The following MED12L variants were observed in gnomAD, a reference collection of about 807,000 sequenced individuals.
MED12L encodes mediator complex subunit 12L.
Under a neutral mutation model 281.3 loss-of-function variants are expected in MED12L, and 60 were observed. The ratio of observed to expected loss-of-function variants is 0.21; its 90% CI spans 0.17 to 0.26. MED12L has a LOEUF of 0.26. Among genes scored for constraint, MED12L ranks in the 10% least tolerant of loss-of-function variants. MED12L has a pLI of 1.00. For missense variants in MED12L, 2,146 were observed against 2,680.9 expected, an observed-to-expected ratio of 0.80 and a Z score of 4.41; for synonymous variants, 974 against 987.2, an observed-to-expected ratio of 0.99 and a Z score of 0.25.
intron 16 of MED12L, among the ~76,000 whole-genome samples, chr3:151,336,255 T>C (rs920735340): frequency 5.9e-5 from 9 of 152,340 alleles, no homozygotes; most frequent in Non-Finnish European, 1.0e-4. Flanking sequence ...ATCCCAGCAG[T>C]GTATAGGTTA....
At chr3:151,091,522 A>G (rs1720046518) in intron 2 of MED12L, among the ~76,000 whole-genome samples, 1 of 152,212 alleles carries the variant, frequency 6.6e-6, no homozygotes. Context: ...GGGCTAGAGC[A>G]TTCTGCTTGA....
At position 151,338,932 on chromosome 3, in the gene MED12L, T is replaced by G. The variant is rs571481914; in HGVS notation, c.2251-11127T>G. 2.2e-6 allele frequency: 3 copies of G among 1,340,218 alleles called. No individual in the cohort carries two copies. The Admixed American group carries it at 5.6e-5, about 25-fold the overall frequency. 83.0% of individuals were successfully genotyped at this position (1,340,218 alleles called of 1,614,324 possible). On this transcript the variant is annotated intron_variant, in intron 16 of 44. Transcript: ENST00000687756. ...TATTGCTGTTATCTCTGTGTGTAAC[T>G]TTTTTGGACACAGCCTCCTCTAAAA...
At chr3:151,370,909 C>T (rs564498621) in intron 26 of MED12L, among the ~76,000 whole-genome samples, 2 of 152,324 alleles carry the variant, frequency 1.3e-5, no homozygotes, top group African/African-American at 4.8e-5. Flanking sequence ...AATTTGCCCA[C>T]CTCTTCATCC....
chr3:151,232,373 C>T lies in MED12L; in HGVS notation c.2250+38707C>T, dbSNP rs148254838. Among the ~76,000 whole-genome samples the T allele has an allele frequency of 5.7e-4, 87 of 152,260 alleles. No homozygotes were observed. The South Asian group carries it at 7.9e-3, about 14-fold the overall frequency. The stretch of plus-strand genomic sequence containing the variant: ...CATCTGTTATTTTTTGACTTTTTAA[C>T]GATAGCCATTCTGATTGGTGTGAAA... On this transcript the variant is annotated intron_variant, in intron 16 of 44. Coordinates refer to ENST00000687756, the MANE Select transcript of MED12L (RefSeq NM_001393769.1).
chr3:151,376,269 A>C, intron 28 of MED12L, 55 bp downstream of exon 28: 1 of 1,286,606 alleles, frequency 7.8e-7, no homozygotes, highest in Non-Finnish European at 1.0e-6. Context: ...CGTAATAATA[A>C]AAAGAGTTAC....
chr3:151,273,321 C>T (rs1488499613), intron 16 of MED12L, among the ~76,000 whole-genome samples: 3 of 148,544 alleles, frequency 2.0e-5, no homozygotes, highest in Non-Finnish European at 4.4e-5. Flanking sequence ...GCCTCTGCCT[C>T]CTGGGTTCAA....
intron 2 of MED12L, among the ~76,000 whole-genome samples, chr3:151,103,330 A>G (rs1211724194): frequency 2.0e-5 from 3 of 152,220 alleles, no homozygotes; most frequent in Non-Finnish European, 2.9e-5. Context: ...TTAATGGGAT[A>G]CAATTATTTA....
chr3:151,100,379 T>C (rs538867260), intron 2 of MED12L, among the ~76,000 whole-genome samples: 45 of 152,348 alleles, frequency 3.0e-4, no homozygotes, highest in African/African-American at 1.0e-3. Context: ...ATTTCATTCA[T>C]GGATAATCTA....
At chr3:151,206,068 AT>A in intron 16 of MED12L, among the ~76,000 whole-genome samples, 1 of 146,974 alleles carries the variant, frequency 6.8e-6, no homozygotes, top group African/African-American at 2.6e-5. Context: ...TTGAAAGAAA[AT>A]AATTTTTTTT....
At chr3:151,188,134 C>G (rs779966777) in intron 12 of MED12L, 1 of 328,206 alleles carries the variant, frequency 3.0e-6, no homozygotes, top group Non-Finnish European at 5.6e-6. Flanking sequence ...CGCCCGATCT[C>G]GTCTGATCTC....
At chr3:151,146,341 G>C (rs1311254637) in intron 5 of MED12L, among the ~76,000 whole-genome samples, 3 of 152,132 alleles carry the variant, frequency 2.0e-5, no homozygotes, top group Non-Finnish European at 4.4e-5. Flanking sequence ...GAACTCCTTT[G>C]TACCTTCCCC....
chr3:151,385,739 T>A (rs1713233544), intron 36 of MED12L, among the ~76,000 whole-genome samples: 1 of 151,548 alleles, frequency 6.6e-6, no homozygotes, highest in Non-Finnish European at 1.5e-5. Flanking sequence ...AAAAAAAACC[T>A]TCCTGTAGTA....
At chr3:151,287,550 A>G (rs1743698672) in intron 16 of MED12L, among the ~76,000 whole-genome samples, 1 of 152,214 alleles carries the variant, frequency 6.6e-6, no homozygotes, top group African/African-American at 2.4e-5. Flanking sequence ...GGGTGGAGAC[A>G]GAAAGTATTG....
At chr3:151,308,810 C>T (rs530183294) in intron 16 of MED12L, among the ~76,000 whole-genome samples, 3 of 152,148 alleles carry the variant, frequency 2.0e-5, no homozygotes, top group Non-Finnish European at 2.9e-5. Context: ...TCCATTAGAA[C>T]TGTTGTCAGG....
chr3:151,431,830 A>G (rs1577640606), intron 44 of MED12L, among the ~76,000 whole-genome samples: 1 of 152,150 alleles, frequency 6.6e-6, no homozygotes, highest in East Asian at 1.9e-4. Context: ...GTATTGATTT[A>G]CTTTATTTTT....
At position 151,283,139 on chromosome 3, in the gene MED12L, A is replaced by G. The variant is rs377623193; in HGVS notation, c.2251-66920A>G. Among the ~76,000 whole-genome samples, 6 of 152,360 alleles carry G rather than the reference A, an allele frequency of 3.9e-5. No individual in the cohort carries two copies. The East Asian group carries it at 5.8e-4, about 15-fold the overall frequency. On this transcript the variant is annotated intron_variant, in intron 16 of 44. Transcript: ENST00000687756. ...CACCCCCTTCTGGTAGATTGAAAGA[A>G]GTAACAGTTTTTAAAAAAATTAATA...
chr3:151,425,418 G>C (rs1400145342), intron 43 of MED12L: 1 of 246,978 alleles, frequency 4.0e-6, no homozygotes, highest in African/African-American at 2.2e-5. Flanking sequence ...ATTTATTTTA[G>C]AGACAGAGGC....
At chr3:151,200,850 G>A (rs1576951990) in intron 16 of MED12L, 2 of 152,152 alleles carry the variant, frequency 1.3e-5, no homozygotes, top group South Asian at 4.1e-4. Flanking sequence ...CATAAGCTAG[G>A]TGTTGTTATT....
intron 16 of MED12L, chr3:151,295,028 T>A (rs1744891702): frequency 1.2e-6 from 2 of 1,613,642 alleles, no homozygotes; most frequent in Non-Finnish European, 1.7e-6. Context: ...GAAGCTGGTT[T>A]TATTCCTAAT....
Sources: gnomAD v4.1 joint callset for allele counts (sites outside exome capture counted in the v4.1 genomes callset) on GRCh38, gnomAD v4.1.1 for gene constraint, MANE v1.5 for transcripts, NCBI Gene and HGNC (gene_info 2026-07-23, HGNC 2026-07-21) for gene names.